The following FUS variants were observed in gnomAD, a reference collection of about 807,000 sequenced individuals.
FUS encodes RNA-binding protein FUS.
In FUS, 5 loss-of-function variants were observed where a neutral mutation model predicts 82.7. That is an observed-to-expected ratio of 0.06 (90% confidence interval 0.03 to 0.13). FUS has a LOEUF of 0.13. Among genes scored for constraint, FUS ranks in the 10% least tolerant of loss-of-function variants. FUS has a pLI of 1.00. For missense variants in FUS, 512 were observed against 707.8 expected (o/e 0.72, Z 3.14); for synonymous variants, 281 against 247.4 (o/e 1.14, Z -1.27).
chr16:31,192,879 C>A (rs1352087217), downstream of FUS: 1 of 485,632 alleles, frequency 2.1e-6, no homozygotes, highest in Non-Finnish European at 4.1e-6. Flanking sequence ...GCCATCCTCT[C>A]AAATTTTCAA....
intron 7 of FUS, 132 bp from the exon 8 acceptor site, chr16:31,188,193 C>A: frequency 1.1e-6 from 1 of 932,396 alleles, no homozygotes; most frequent in South Asian, 1.5e-5. Flanking sequence ...AGGCTGTGAG[C>A]ACTTACTTGA....
chr16:31,181,965 A>G (rs2079185770), intron 1 of FUS, among the ~76,000 whole-genome samples: 2 of 151,928 alleles, frequency 1.3e-5, no homozygotes, highest in South Asian at 2.1e-4. Context: ...CCAGTGTCTC[A>G]TGGAGGAATT....
At chr16:31,188,129 G>A in intron 7 of FUS, 196 bp from the exon 8 acceptor site, 1 of 616,646 alleles carries the variant, frequency 1.6e-6, no homozygotes, top group Non-Finnish European at 2.8e-6. Context: ...ATCTTAAGGG[G>A]CCTGCCTAGA....
intron 6 of FUS, chr16:31,186,527 C>G (rs2079272670): frequency 3.8e-6 from 2 of 531,634 alleles, no homozygotes; most frequent in South Asian, 4.5e-5. Context: ...GAAGAACGAC[C>G]AAGGAAAATG....
At chr16:31,188,395 AGTG>A in intron 8 of FUS, 38 bp downstream of exon 8, 1 of 1,607,836 alleles carries the variant, frequency 6.2e-7, no homozygotes, top group African/African-American at 1.3e-5. Context: ...GAGTGGCTAA[AGTG>A]GTATCAAGAC....
At chr16:31,191,372 A>G (rs1396438461) in intron 14 of FUS, 27 bp from the exon 15 acceptor site, 5 of 1,590,170 alleles carry the variant, frequency 3.1e-6, no homozygotes, top group South Asian at 1.1e-5. Context: ...TATAATGGAT[A>G]CTTAATTTTT....
chr16:31,180,602 C>G (rs535302836), intron 1 of FUS, among the ~76,000 whole-genome samples: 50 of 152,338 alleles, frequency 3.3e-4, no homozygotes, highest in African/African-American at 1.2e-3. Flanking sequence ...TCCGGGCACT[C>G]GCGGCGCGCA....
At position 31,180,202 on chromosome 16, in the gene FUS, C is replaced by G. The variant is rs1157738570; in HGVS notation, c.-13C>G. The G allele has an allele frequency of 1.2e-6, 2 of 1,610,856 alleles. No individual in the cohort carries two copies. Among genetic ancestry groups the G allele is most frequent in the Non-Finnish European group, 1.7e-6 (2 of 1,178,628 alleles). ...ACTTCGTTGCTTGCTTGCCTGTGCG[C>G]GCGTGCGCGGACATGGCCTCAAACG... On this transcript the variant is annotated 5_prime_UTR_variant, in exon 1 of 15. Transcript: ENST00000254108.
chr16:31,187,958 TTC>T (rs1176095559), intron 7 of FUS: 19 of 338,616 alleles, frequency 5.6e-5, no homozygotes, highest in Non-Finnish European at 4.4e-5. Context: ...CCCATCTCTC[TTC>T]TCTCGGGTGA....
intron 14 of FUS, 72 bp from the exon 15 acceptor site, chr16:31,191,327 A>G: frequency 6.3e-6 from 10 of 1,583,134 alleles, no homozygotes; most frequent in Non-Finnish European, 7.8e-6. Flanking sequence ...AGGGGCAGAT[A>G]GGATATCTAG....
At chr16:31,194,638 T>C (rs1322160256), downstream of FUS, 2 of 489,832 alleles carry the variant, frequency 4.1e-6, no homozygotes, top group Non-Finnish European at 8.1e-6. Flanking sequence ...CTTGTATATA[T>C]TTATGGGGTA....
chr16:31,180,121 G>A (rs1235823059), upstream of FUS: 1 of 1,547,446 alleles, frequency 6.5e-7, no homozygotes, highest in South Asian at 1.2e-5. Flanking sequence ...CTTAAGCTTC[G>A]ACGCAGGAGG....
At chr16:31,181,466 C>T (rs1034149439) in intron 1 of FUS, among the ~76,000 whole-genome samples, 2 of 152,128 alleles carry the variant, frequency 1.3e-5, no homozygotes, top group African/African-American at 4.8e-5. Flanking sequence ...GACTCGAGTA[C>T]CTGTTGACTT....
At chr16:31,191,912 C>G, downstream of FUS, 1 of 535,780 alleles carries the variant, frequency 1.9e-6, no homozygotes, top group Non-Finnish European at 3.6e-6. Flanking sequence ...GCAGTTTATC[C>G]CTTTTTAAGA....
chr16:31,191,745 G>C, downstream of FUS: 1 of 632,970 alleles, frequency 1.6e-6, no homozygotes, highest in East Asian at 3.1e-5. Flanking sequence ...TGATATCCTT[G>C]AGAGCAGAGA....
At chr16:31,186,444 G>C (rs1165512523) in intron 6 of FUS, 1 of 418,300 alleles carries the variant, frequency 2.4e-6, no homozygotes, top group African/African-American at 2.0e-5. Flanking sequence ...GTAAATTGGG[G>C]TAGGGTTTTT....
intron 3 of FUS, 91 bp from the exon 4 acceptor site, chr16:31,183,767 A>AT (rs2079216101): frequency 1.3e-6 from 2 of 1,504,436 alleles, no homozygotes; most frequent in African/African-American, 2.7e-5. Context: ...GGCTGGCTTT[A>AT]TGAGTATAGG....
At chr16:31,182,098 C>G in intron 1 of FUS, 1 of 411,776 alleles carries the variant, frequency 2.4e-6, no homozygotes, top group Non-Finnish European at 4.6e-6. Flanking sequence ...TCAAGCGATT[C>G]TCCTGCTTCA....
chr16:31,180,711 G>T (rs551719635), intron 1 of FUS, among the ~76,000 whole-genome samples: 2 of 152,186 alleles, frequency 1.3e-5, no homozygotes, highest in Non-Finnish European at 2.9e-5. Context: ...GGAAGACTCG[G>T]CGGCGCGCGT....
Sources: allele counts gnomAD v4.1 joint callset (sites outside exome capture counted in the v4.1 genomes callset), GRCh38; gene constraint gnomAD v4.1.1; transcripts MANE v1.5; gene names NCBI Gene and HGNC (gene_info 2026-07-23, HGNC 2026-07-21).